The following INTS8 variants were observed in gnomAD, a reference collection of about 807,000 sequenced individuals.
The protein encoded by INTS8 is integrator complex subunit 8.
INTS8 carries 47 observed loss-of-function variants against 138.9 expected under a neutral mutation model. The observed-to-expected ratio is 0.34, with a 90% CI of 0.27 to 0.43. INTS8 has a LOEUF of 0.43. Among genes scored for constraint, INTS8 ranks in the 20% least tolerant of loss-of-function variants. INTS8 has a pLI of 1.00. For synonymous variants in INTS8, 392 were observed against 400.9 expected, an observed-to-expected ratio of 0.98 and a Z score of 0.27; for missense variants, 996 against 1,173.0, an observed-to-expected ratio of 0.85 and a Z score of 2.20.
At chr8:94,867,400 A>G in intron 20 of INTS8, 63 bp downstream of exon 20, 2 of 1,190,264 alleles carry the variant, frequency 1.7e-6, no homozygotes, top group Non-Finnish European at 2.5e-6. Flanking sequence ...CATTCTGACT[A>G]GTATAGATAC....
At chr8:94,878,252 A>G (rs1346740451) in intron 26 of INTS8, among the ~76,000 whole-genome samples, 2 of 152,154 alleles carry the variant, frequency 1.3e-5, no homozygotes, top group Non-Finnish European at 2.9e-5. Context: ...TCAGTGGTCC[A>G]CATTCTCTTC....
chr8:94,876,562 C>G, intron 26 of INTS8, 73 bp downstream of exon 26: 1 of 923,666 alleles, frequency 1.1e-6, no homozygotes, highest in Admixed American at 2.6e-5. Flanking sequence ...TGTGAACCAA[C>G]AAAAAATAGA....
intron 6 of INTS8, 75 bp from the exon 7 acceptor site, chr8:94,836,449 A>C: frequency 9.2e-7 from 1 of 1,092,456 alleles, no homozygotes; most frequent in Non-Finnish European, 1.4e-6. Flanking sequence ...TCGTGAGATA[A>C]AGACAGTTTT....
chr8:94,861,797 C>T (rs1351941870), intron 16 of INTS8, among the ~76,000 whole-genome samples: 2 of 152,004 alleles, frequency 1.3e-5, no homozygotes, highest in Non-Finnish European at 2.9e-5. Context: ...GTGATCCGCC[C>T]ACCTCGGCCT....
chr8:94,874,431 C>G, intron 22 of INTS8, 121 bp from the exon 23 acceptor site: 1 of 664,842 alleles, frequency 1.5e-6, no homozygotes, highest in Non-Finnish European at 2.8e-6. Context: ...TACAGAGTTC[C>G]CATATATCCC....
chr8:94,877,541 T>TCA (rs1341248764), intron 26 of INTS8, among the ~76,000 whole-genome samples: 1 of 152,210 alleles, frequency 6.6e-6, no homozygotes, highest in East Asian at 1.9e-4. Context: ...TCTACTTGTA[T>TCA]CATTTTTTGA....
chr8:94,851,568 A>G lies in INTS8; in HGVS notation c.1523A>G (p.Asn508Ser), dbSNP rs776267825. ...CTTTTTTTAGCTTCAGCAAGTGTCA[A>G]CATTGGTCAGTTAGAGCATCAACTT... The part of the protein sequence containing the change: ...FYDIPASASV[N>S]IGQLEHQLIL... Residue 508 changes from asparagine (N) to serine (S), a missense_variant, in exon 13 of 27, where the codon AAC (asparagine) becomes AGC (serine). Coordinates refer to ENST00000523731, the MANE Select transcript of INTS8 (RefSeq NM_017864.4). 1.3e-6 allele frequency: 2 copies of G among 1,583,160 alleles called. No individual in the cohort carries two copies. Among genetic ancestry groups the G allele is most frequent in the African/African-American group, 1.4e-5 (1 of 73,030 alleles).
intron 22 of INTS8, among the ~76,000 whole-genome samples, chr8:94,873,974 C>T (rs1816490788): frequency 6.6e-6 from 1 of 151,842 alleles, no homozygotes; most frequent in Non-Finnish European, 1.5e-5. Context: ...TTAAGATATA[C>T]AGAATAATGT....
At chr8:94,868,523 C>T (rs1286290547) in intron 20 of INTS8, among the ~76,000 whole-genome samples, 2 of 152,198 alleles carry the variant, frequency 1.3e-5, no homozygotes, top group African/African-American at 2.4e-5. Context: ...CAAGGGAGCA[C>T]CATGCTGCAT....
At chr8:94,838,679 C>T in intron 8 of INTS8, 61 bp downstream of exon 8, 1 of 1,372,056 alleles carries the variant, frequency 7.3e-7, no homozygotes, top group Non-Finnish European at 1.0e-6. Context: ...AAGTTCAAAT[C>T]CTCGCACCAT....
intron 20 of INTS8, chr8:94,867,839 G>C (rs1816239929): frequency 6.6e-6 from 1 of 152,442 alleles, no homozygotes; most frequent in African/African-American, 2.4e-5. Context: ...TAACTCTTAA[G>C]TAGGAGTTAA....
chr8:94,854,279 T>C (rs1371648504), intron 14 of INTS8, among the ~76,000 whole-genome samples: 2 of 152,100 alleles, frequency 1.3e-5, no homozygotes, highest in Non-Finnish European at 2.9e-5. Flanking sequence ...GAACTTACCT[T>C]TTCCTAATCT....
At chr8:94,861,296 C>T (rs1815968604) in intron 16 of INTS8, among the ~76,000 whole-genome samples, 1 of 69,138 alleles carries the variant, frequency 1.4e-5, no homozygotes, top group Non-Finnish European at 2.5e-5. Context: ...GAGTCTCGCT[C>T]TGTCGCCCAG....
chr8:94,825,182 T>A, intron 2 of INTS8, 115 bp downstream of exon 2: 1 of 699,802 alleles, frequency 1.4e-6, no homozygotes, highest in Non-Finnish European at 2.3e-6. Flanking sequence ...GCGCCGTGGC[T>A]CACGCCTATA....
chr8:94,866,955 A>C (rs978145674), intron 18 of INTS8, 185 bp from the exon 19 acceptor site: 1 of 553,044 alleles, frequency 1.8e-6, no homozygotes, highest in Non-Finnish European at 3.2e-6. Context: ...GCTATGGTCC[A>C]CGCCCCGCCC....
At chr8:94,847,408 A>G (rs1035599285) in intron 10 of INTS8, among the ~76,000 whole-genome samples, 1 of 152,066 alleles carries the variant, frequency 6.6e-6, no homozygotes, top group African/African-American at 2.4e-5. Flanking sequence ...CTTGCCTTAT[A>G]AATAAGTTGA....
chr8:94,829,387 T>G (rs1038650388), intron 5 of INTS8, among the ~76,000 whole-genome samples: 1 of 151,934 alleles, frequency 6.6e-6, no homozygotes, highest in Non-Finnish European at 1.5e-5. Context: ...GGACACAACA[T>G]GGATCCCTCG....
intron 4 of INTS8, among the ~76,000 whole-genome samples, chr8:94,828,297 T>G (rs1370672869): frequency 1.3e-5 from 2 of 152,326 alleles, no homozygotes; most frequent in East Asian, 3.9e-4. Flanking sequence ...CGCCTTGGTC[T>G]TCCAAAGTGC....
At chr8:94,825,594 T>C (rs930540352) in intron 2 of INTS8, among the ~76,000 whole-genome samples, 5 of 152,084 alleles carry the variant, frequency 3.3e-5, no homozygotes, top group Non-Finnish European at 7.4e-5. Context: ...TAATGATAGA[T>C]GTTGTGTAAT....
Sources: allele counts gnomAD v4.1 joint callset (sites outside exome capture counted in the v4.1 genomes callset), GRCh38; gene constraint gnomAD v4.1.1; transcripts MANE v1.5; gene names NCBI Gene and HGNC (gene_info 2026-07-23, HGNC 2026-07-21).